Variants in ANK1 observed in about 807,000 individuals in gnomAD.
ANK1 encodes the protein ankyrin-1.
Under a neutral mutation model 210.4 loss-of-function variants are expected in ANK1, and 51 were observed. The observed-to-expected ratio is 0.24, with a 90% CI of 0.19 to 0.31. The LOEUF (loss-of-function observed/expected upper bound fraction) is 0.31. ANK1 is among the 10% of genes least tolerant of loss of function. ANK1 has a pLI of 1.00. For synonymous variants in ANK1, 967 were observed against 1,025.9 expected (o/e 0.94, Z 1.10); for missense variants, 2,051 against 2,504.4 (o/e 0.82, Z 3.86).
At chr8:41,871,378 G>A (rs1321133263) in intron 1 of ANK1, among the ~76,000 whole-genome samples, 2 of 152,150 alleles carry the variant, frequency 1.3e-5, no homozygotes, top group African/African-American at 4.8e-5. Context: ...CATGATCACA[G>A]CTCACTGCAG....
chr8:41,717,099 A>T (rs1213480157), intron 12 of ANK1, 48 bp from the exon 13 acceptor site: 6 of 1,597,642 alleles, frequency 3.8e-6, no homozygotes, highest in Non-Finnish European at 4.3e-6. Context: ...CCTGCTGTCC[A>T]AAACGGCACA....
intron 1 of ANK1, among the ~76,000 whole-genome samples, chr8:41,857,308 C>T (rs181573283): frequency 1.4e-3 from 219 of 151,346 alleles, no homozygotes; most frequent in Middle Eastern, 3.4e-3. Flanking sequence ...GTCAAAAATC[C>T]ATCTAGTGGC....
intron 1 of ANK1, among the ~76,000 whole-genome samples, chr8:41,878,739 G>A (rs931939156): frequency 6.6e-6 from 1 of 152,130 alleles, no homozygotes; most frequent in African/African-American, 2.4e-5. Context: ...GTTGTCCACC[G>A]ATAAAGCCAG....
intron 35 of ANK1, among the ~76,000 whole-genome samples, chr8:41,687,793 C>A (rs1344291783): frequency 6.6e-6 from 1 of 152,134 alleles, no homozygotes; most frequent in Non-Finnish European, 1.5e-5. Context: ...CACCTGTCTC[C>A]CTTAAAATAA....
intron 37 of ANK1, among the ~76,000 whole-genome samples, chr8:41,678,152 T>A (rs537724119): frequency 1.3e-5 from 2 of 151,246 alleles, no homozygotes; most frequent in East Asian, 3.9e-4. Flanking sequence ...TTTCTTTTTC[T>A]TTTTTTTTGC....
At position 41,696,580 on chromosome 8, in the gene ANK1, C is replaced by T. The variant is rs774227775; in HGVS notation, c.2743G>A (p.Val915Met). The change falls in exon 26 of 43, where the codon GTG becomes ATG. Residue 915 changes from valine to methionine, a missense_variant. Transcript: ENST00000289734. ...CCCCGGGCGTCAACCATGAAGCTCA[C>T]CAGAAACCTAGGAGTGGGGCAGATG... The part of the protein sequence containing the change: ...VASPVHTGFL[V>M]SFMVDARGGS... 1.9e-6 allele frequency: 3 copies of T among 1,613,962 alleles called. No individual in the cohort carries two copies. The highest frequency in any genetic ancestry group is 1.1e-5 in the South Asian group (1 of 91,068).
chr8:41,886,319 C>A (rs1818432770), intron 1 of ANK1, among the ~76,000 whole-genome samples: 1 of 152,226 alleles, frequency 6.6e-6, no homozygotes, highest in African/African-American at 2.4e-5. Context: ...TCCTTCAATC[C>A]TCCCAACAGC....
intron 1 of ANK1, among the ~76,000 whole-genome samples, chr8:41,884,033 G>A (rs1014575599): frequency 1.3e-5 from 2 of 152,180 alleles, no homozygotes; most frequent in African/African-American, 2.4e-5. Flanking sequence ...ATTTCCTCAC[G>A]GAGTTGCTCT....
chr8:41,696,104 G>A (rs1184262990), intron 26 of ANK1, among the ~76,000 whole-genome samples: 1 of 152,190 alleles, frequency 6.6e-6, no homozygotes, highest in Non-Finnish European at 1.5e-5. Context: ...TTTCCAGGCT[G>A]GTCTCGAACT....
rs369746830 is a variant in ANK1, at chr8:41,693,954, G to A, written c.3476C>T (p.Pro1159Leu). Residue 1159 changes from proline to leucine, a missense_variant, in exon 29 of 43, where the codon CCG becomes CTG. By Grantham distance (98) the Pro-to-Leu change is moderately conservative. This residue lies in a region of ANK1 where 1,413 missense variants were observed against 1,707.4 expected (regional missense o/e 0.83). Transcript: ENST00000289734. ...IPLPPSWTDNPRDSGEGDTTS... is the reference protein window; with the variant it reads ...IPLPPSWTDNLRDSGEGDTTS... ...GGTGTCTCCCTCCCCGCTGTCCCTC[G>A]GGTTGTCGGTCCAGGAAGGAGGTAG... The A allele has an allele frequency of 6.2e-6, 10 of 1,613,920 alleles. No individual in the cohort carries two copies. The highest frequency in any genetic ancestry group is 5.0e-5 in the Admixed American group (3 of 60,006).
At chr8:41,766,318 T>G (rs568475544) in intron 1 of ANK1, among the ~76,000 whole-genome samples, 1 of 152,232 alleles carries the variant, frequency 6.6e-6, no homozygotes, top group African/African-American at 2.4e-5. Context: ...AGCCCTGCCT[T>G]TACTCCCTTG....
rs562811662 is a variant in ANK1 at position 41,695,181 on chromosome 8, G to A, written c.3111C>T (p.Asp1037=). ...CCTGGGATCCCCCGCCCCTACCTTC[G>A]TCCATCCCGTTGAGGATCTGATCCA... ...SYLDQILNGM[D]EELGSLEELE... Residue 1037 remains aspartate, a synonymous_variant, in exon 27 of 43, where the codon GAC becomes GAT. Transcript: ENST00000289734. The A allele has an allele frequency of 3.2e-5, 52 of 1,614,096 alleles. No homozygotes were observed. Among genetic ancestry groups the A allele is most frequent in the South Asian group, 5.5e-5 (5 of 91,066 alleles).
intron 16 of ANK1, among the ~76,000 whole-genome samples, chr8:41,713,882 C>T (rs991229922): frequency 6.6e-6 from 1 of 152,166 alleles, no homozygotes; most frequent in Non-Finnish European, 1.5e-5. Context: ...CGTGCAACTG[C>T]TTGGGGACAC....
chr8:41,887,134 G>A (rs1818581433), intron 1 of ANK1, among the ~76,000 whole-genome samples: 9 of 151,714 alleles, frequency 5.9e-5, no homozygotes, highest in Admixed American at 5.9e-4. Flanking sequence ...GTCAGAGAAA[G>A]CCCTGCTACC....
At chr8:41,844,902 C>T (rs1278867747) in intron 1 of ANK1, among the ~76,000 whole-genome samples, 1 of 152,066 alleles carries the variant, frequency 6.6e-6, no homozygotes, top group African/African-American at 2.4e-5. Flanking sequence ...AGCAGGAGCC[C>T]GCCTCCTGTC....
intron 1 of ANK1, among the ~76,000 whole-genome samples, chr8:41,790,869 C>T (rs368788220): frequency 3.7e-4 from 56 of 152,260 alleles, no homozygotes; most frequent in East Asian, 2.5e-3. Flanking sequence ...CAGTCCCAAG[C>T]GGGACTTAGA....
In ANK1 at chr8:41,859,279, T is replaced by C. The variant is rs1400975530; in HGVS notation, c.126+37076A>G. On this transcript the variant is annotated intron_variant, in intron 1 of 42. Coordinates refer to the ANK1 transcript ENST00000265709. ...CGGGAAATTTCCCTGGGCTTGGCCC[T>C]CCAACAAAAGTTGAGTCTCTTAAAT... Among the ~76,000 whole-genome samples, 5 of 152,364 alleles carry C rather than the reference T, an allele frequency of 3.3e-5. No individual in the cohort carries two copies. In the South Asian group the frequency reaches 1.0e-3, roughly 32 times the overall value.
intron 9 of ANK1, among the ~76,000 whole-genome samples, chr8:41,721,390 C>T (rs1302793800): frequency 1.3e-5 from 2 of 152,176 alleles, no homozygotes; most frequent in African/African-American, 2.4e-5. Context: ...GGCACTGTAG[C>T]TCACCCCTGT....
At chr8:41,668,650 C>T (rs1245766595) in intron 38 of ANK1, 86 bp from the exon 39 acceptor site, 1 of 1,387,374 alleles carries the variant, frequency 7.2e-7, no homozygotes, top group Non-Finnish European at 9.8e-7. Flanking sequence ...CTTTTAGACA[C>T]TCTCCCCACC....
Sources: gnomAD v4.1 joint callset for allele counts (sites outside exome capture counted in the v4.1 genomes callset) on GRCh38, gnomAD v4.1.1 for gene constraint, gnomAD v4.1.1 regional missense constraint, MANE v1.5 for transcripts, NCBI Gene and HGNC (gene_info 2026-07-23, HGNC 2026-07-21) for gene names.